CCSER1: variants seen among roughly 807,000 people sequenced by gnomAD.
The protein encoded by CCSER1 is coiled-coil serine rich protein 1, also known as serine-rich coiled-coil domain-containing protein 1.
A neutral mutation model predicts 82.0 loss-of-function variants in CCSER1; 41 were observed. The ratio of observed to expected loss-of-function variants is 0.50; its 90% confidence interval spans 0.39 to 0.65. The LOEUF is 0.65. CCSER1 is among the 30% of genes least tolerant of loss of function. The probability of loss-of-function intolerance (pLI) is 0.00; values close to 1 mark genes in which losing one functional copy is unlikely to be tolerated. For synonymous variants in CCSER1, 414 were observed against 383.9 expected (o/e 1.08, Z -0.92); for missense variants, 1,119 against 1,064.2 (o/e 1.05, Z -0.72).
In CCSER1 at chr4:90,447,731, A is replaced by T. The variant is rs185629405; in HGVS notation, c.1604-20503A>T. Among the ~76,000 whole-genome samples the T allele has an allele frequency of 3.4e-3, 524 of 152,298 alleles. 2 individuals carry two copies. The highest frequency in any genetic ancestry group is 0.012 in the African/African-American group (506 of 41,582). On this transcript the variant is annotated intron_variant, in intron 4 of 10. Coordinates refer to ENST00000509176, the MANE Select transcript of CCSER1 (RefSeq NM_001145065.2). The stretch of plus-strand genomic sequence containing the variant: ...CCTAACAAAATACCCAAGTCAAAAC[A>T]ACTTTGGGCTGATAGGTGAAACAAC...
chr4:90,807,013 G>T (rs1757604139), intron 7 of CCSER1, among the ~76,000 whole-genome samples: 1 of 151,884 alleles, frequency 6.6e-6, no homozygotes, highest in Non-Finnish European at 1.5e-5. Flanking sequence ...TATTATGCAA[G>T]ACTTTGGTAA....
intron 10 of CCSER1, among the ~76,000 whole-genome samples, chr4:91,186,232 C>T (rs951351361): frequency 1.3e-5 from 2 of 152,148 alleles, no homozygotes; most frequent in Non-Finnish European, 2.9e-5. Flanking sequence ...ACCTCTCCTT[C>T]CTTTGCTGCT....
chr4:90,564,759 A>T (rs778115472), intron 5 of CCSER1, among the ~76,000 whole-genome samples: 4 of 151,980 alleles, frequency 2.6e-5, no homozygotes, highest in Non-Finnish European at 5.9e-5. Context: ...AATTTTCCCA[A>T]AACTATTCAT....
intron 8 of CCSER1, among the ~76,000 whole-genome samples, chr4:90,908,629 T>C (rs1302803417): frequency 6.6e-6 from 1 of 152,094 alleles, no homozygotes; most frequent in Non-Finnish European, 1.5e-5. Context: ...TCATGAAATA[T>C]TTTGTGAGTG....
chr4:91,575,741 G>A lies in CCSER1; in HGVS notation c.2218-22831G>A, dbSNP rs1578832720. ...GGAGGCATACAATTTGTCAAAAAGTGTATGAAAAAAATGTTCACCATCACT... is the reference window on the plus strand; with the variant it reads ...GGAGGCATACAATTTGTCAAAAAGTATATGAAAAAAATGTTCACCATCACT... On this transcript the variant is annotated intron_variant, in intron 10 of 10. Coordinates refer to ENST00000509176, the MANE Select transcript of CCSER1 (RefSeq NM_001145065.2). Among the ~76,000 whole-genome samples the A allele has an allele frequency of 2.0e-5, 3 of 151,902 alleles. No individual in the cohort carries two copies. The East Asian group carries it at 5.8e-4, about 29-fold the overall frequency.
intron 10 of CCSER1, among the ~76,000 whole-genome samples, chr4:91,431,570 C>T (rs926367170): frequency 3.9e-5 from 6 of 152,096 alleles, no homozygotes; most frequent in African/African-American, 9.6e-5. Flanking sequence ...CAGGTTCAAG[C>T]GATTCTCCTG....
chr4:90,364,482 A>T (rs992047441), intron 3 of CCSER1, among the ~76,000 whole-genome samples: 8 of 152,216 alleles, frequency 5.3e-5, no homozygotes, highest in African/African-American at 1.9e-4. Flanking sequence ...TATTCAACTT[A>T]TTCATTGGTG....
At chr4:90,640,500 G>A (rs1219814974) in intron 6 of CCSER1, among the ~76,000 whole-genome samples, 6 of 152,078 alleles carry the variant, frequency 3.9e-5, no homozygotes, top group Non-Finnish European at 7.4e-5. Flanking sequence ...ATTACTTAAT[G>A]TTATTACTTA....
At chr4:91,456,455 G>A (rs1756179151) in intron 10 of CCSER1, among the ~76,000 whole-genome samples, 1 of 151,968 alleles carries the variant, frequency 6.6e-6, no homozygotes, top group Non-Finnish European at 1.5e-5. Context: ...TGGCTAGAGT[G>A]ATATTGCCAA....
intron 10 of CCSER1, among the ~76,000 whole-genome samples, chr4:91,193,794 A>G (rs974331054): frequency 1.9e-4 from 28 of 149,668 alleles, no homozygotes; most frequent in African/African-American, 6.7e-4. Flanking sequence ...CTTTACTTCT[A>G]ATTCAAATCT....
At chr4:90,556,850 A>ATG (rs1434617963) in intron 5 of CCSER1, among the ~76,000 whole-genome samples, 1 of 141,808 alleles carries the variant, frequency 7.1e-6, no homozygotes, top group Non-Finnish European at 1.6e-5. Context: ...GTATATCTAT[A>ATG]TGTGTATATA....
rs554988115 is a variant in CCSER1 at position 91,411,211 on chromosome 4, G to T, written c.2218-187361G>T. On this transcript the variant is annotated intron_variant, in intron 10 of 10. Coordinates refer to ENST00000509176, the MANE Select transcript of CCSER1 (RefSeq NM_001145065.2). ...AGCTGCATCTGGAGAAAAGAGGCTT[G>T]GGTGTTATTAAGTCCTCAGTGTTAT... Among the ~76,000 whole-genome samples, 4 of 151,664 alleles carry T rather than the reference G, an allele frequency of 2.6e-5. No homozygotes were observed. In the South Asian group the frequency reaches 6.2e-4, roughly 24 times the overall value.
chr4:90,374,348 C>T (rs1177786715), intron 3 of CCSER1, among the ~76,000 whole-genome samples: 1 of 152,096 alleles, frequency 6.6e-6, no homozygotes, highest in Non-Finnish European at 1.5e-5. Context: ...TACTGGAAAG[C>T]GTGCATAAAG....
chr4:91,461,207 CA>C (rs760382945), intron 10 of CCSER1, among the ~76,000 whole-genome samples: 1 of 152,168 alleles, frequency 6.6e-6, no homozygotes, highest in African/African-American at 2.4e-5. Context: ...TAGCACTCCA[CA>C]ATGACAATGA....
intron 6 of CCSER1, among the ~76,000 whole-genome samples, chr4:90,720,386 G>T (rs1038176890): frequency 5.3e-5 from 8 of 151,624 alleles, no homozygotes; most frequent in Non-Finnish European, 1.0e-4. Flanking sequence ...AGAATCAGAA[G>T]AAAAACATAA....
In CCSER1 at chr4:90,728,136, G is replaced by A. The variant is rs927367359; in HGVS notation, c.2010+4145G>A. On this transcript the variant is annotated intron_variant, in intron 7 of 10. Coordinates refer to ENST00000509176, the MANE Select transcript of CCSER1 (RefSeq NM_001145065.2). ...TTTGCATTCCTGGAATGCCTAGAGGGATTGTCACAGTACCTGGAATGCACA... is the reference window on the plus strand; with the variant it reads ...TTTGCATTCCTGGAATGCCTAGAGGAATTGTCACAGTACCTGGAATGCACA... 2.6e-5 allele frequency among the ~76,000 whole-genome samples: 4 copies of A among 152,126 alleles called. No individual in the cohort carries two copies. In the East Asian group the frequency reaches 7.7e-4, roughly 29 times the overall value.
At chr4:90,850,670 G>A (rs1319788268) in intron 8 of CCSER1, among the ~76,000 whole-genome samples, 4 of 152,180 alleles carry the variant, frequency 2.6e-5, no homozygotes, top group Admixed American at 6.5e-5. Context: ...CCCAATTCCT[G>A]TACCCCCACT....
At chr4:91,287,182 T>C (rs1469368087) in intron 10 of CCSER1, among the ~76,000 whole-genome samples, 1 of 151,802 alleles carries the variant, frequency 6.6e-6, no homozygotes, top group African/African-American at 2.4e-5. Context: ...TCAGAATTCA[T>C]GAACACAAAA....
chr4:90,900,083 C>A (rs1724374489), intron 8 of CCSER1, among the ~76,000 whole-genome samples: 1 of 140,346 alleles, frequency 7.1e-6, no homozygotes, highest in African/African-American at 2.6e-5. Flanking sequence ...GTGAAACCCT[C>A]TGGTCCCAGA....
Sources: gnomAD v4.1 joint callset for allele counts (sites outside exome capture counted in the v4.1 genomes callset) on GRCh38, gnomAD v4.1.1 for gene constraint, MANE v1.5 for transcripts, NCBI Gene and HGNC (gene_info 2026-07-23, HGNC 2026-07-21) for gene names.